CCDC85A: variants seen among roughly 807,000 people sequenced by gnomAD.
The protein encoded by CCDC85A is coiled-coil domain-containing protein 85A.
Under a neutral mutation model 50.2 loss-of-function variants are expected in CCDC85A, and 38 were observed. The ratio of observed to expected loss-of-function variants is 0.76; its 90% CI spans 0.58 to 0.99. The LOEUF (loss-of-function observed/expected upper bound fraction) is 0.99, where lower values mean the gene tolerates loss of function less well. Ranked by LOEUF, CCDC85A falls within the 50% of genes least tolerant of loss-of-function variation. The pLI, the probability that CCDC85A is intolerant of heterozygous loss-of-function variation, is 0.00. For missense variants in CCDC85A, 820 were observed against 742.0 expected (o/e 1.11, Z -1.22); for synonymous variants, 366 against 301.4 (o/e 1.21, Z -2.22).
At chr2:56,219,614 A>G (rs949345260) in intron 2 of CCDC85A, among the ~76,000 whole-genome samples, 5 of 151,720 alleles carry the variant, frequency 3.3e-5, no homozygotes, top group African/African-American at 1.2e-4. Flanking sequence ...TTGCTTTGCA[A>G]GTTTCACCCC....
intron 2 of CCDC85A, among the ~76,000 whole-genome samples, chr2:56,273,383 C>T (rs1401862318): frequency 1.3e-5 from 2 of 151,850 alleles, no homozygotes; most frequent in African/African-American, 4.8e-5. Flanking sequence ...AAAACCATTG[C>T]AGTATTCCAA....
At chr2:56,328,179 G>T (rs1673572047) in intron 2 of CCDC85A, among the ~76,000 whole-genome samples, 1 of 152,138 alleles carries the variant, frequency 6.6e-6, no homozygotes, top group African/African-American at 2.4e-5. Context: ...AGAAGAATGA[G>T]AAAAGCATGC....
intron 1 of CCDC85A, among the ~76,000 whole-genome samples, chr2:56,191,558 T>G (rs1258316171): frequency 6.6e-6 from 1 of 152,156 alleles, no homozygotes; most frequent in South Asian, 2.1e-4. Context: ...ATTTTGGAAG[T>G]AGAGCTCCAA....
Position 56,270,537 on chromosome 2 carries a change from G to A in CCDC85A, c.1241-72342G>A, listed in dbSNP as rs111320384. Among the ~76,000 whole-genome samples the A allele has an allele frequency of 9.5e-4, 145 of 152,292 alleles. 1 individual carries two copies. Among genetic ancestry groups the A allele is most frequent in the African/African-American group, 2.9e-3 (122 of 41,566 alleles). Reference sequence around the variant, plus strand: ...TCTGCTATATTATGTAAATTACTGCGTACCCCTGAGCGTAGCTGCTTTTTC... The same window carrying A: ...TCTGCTATATTATGTAAATTACTGCATACCCCTGAGCGTAGCTGCTTTTTC... On this transcript the variant is annotated intron_variant, in intron 2 of 5. Coordinates refer to ENST00000407595, the MANE Select transcript of CCDC85A (RefSeq NM_001080433.2).
At chr2:56,266,420 A>G (rs1670442525) in intron 2 of CCDC85A, among the ~76,000 whole-genome samples, 1 of 152,164 alleles carries the variant, frequency 6.6e-6, no homozygotes, top group Non-Finnish European at 1.5e-5. Flanking sequence ...AAGCAAACCA[A>G]ATAGCTAAAA....
At chr2:56,204,412 A>G (rs1325591543) in intron 2 of CCDC85A, among the ~76,000 whole-genome samples, 3 of 152,312 alleles carry the variant, frequency 2.0e-5, no homozygotes, top group East Asian at 3.9e-4. Flanking sequence ...AATCTCATCC[A>G]TCATAGAAAG....
In CCDC85A at chr2:56,294,448, T is replaced by A. The variant is rs561358940; in HGVS notation, c.1241-48431T>A. Among the ~76,000 whole-genome samples, 3 of 152,282 alleles carry A rather than the reference T, an allele frequency of 2.0e-5. No homozygotes were observed. In the South Asian group the frequency reaches 6.2e-4, roughly 32 times the overall value. ...CATGTATACCATAACTTAAATAAAATTTTTAAAAAATCAGATTTCCAAGTC... is the reference window on the plus strand; with the variant it reads ...CATGTATACCATAACTTAAATAAAAATTTTAAAAAATCAGATTTCCAAGTC... On this transcript the variant is annotated intron_variant, in intron 2 of 5. Coordinates refer to ENST00000407595, the MANE Select transcript of CCDC85A (RefSeq NM_001080433.2).
At position 56,184,176 on chromosome 2, in the gene CCDC85A, C is replaced by G. The variant is rs1675886367; in HGVS notation, c.-449C>G. 1 of 987,190 alleles carries G rather than the reference C, an allele frequency of 1.0e-6. No homozygotes were observed. The highest frequency in any genetic ancestry group is 1.1e-4 in the East Asian group (1 of 8,802). 61.2% of individuals were successfully genotyped at this position (987,190 alleles called of 1,614,324 possible). On this transcript the variant is annotated 5_prime_UTR_variant, in exon 1 of 6. Coordinates refer to ENST00000407595, the MANE Select transcript of CCDC85A (RefSeq NM_001080433.2). ...GCTAGGAGAGGGGAGAAGCCGGGGGCTGCAGCTGGGCAAGGGGGAGGAAAG... is the reference window on the plus strand; with the variant it reads ...GCTAGGAGAGGGGAGAAGCCGGGGGGTGCAGCTGGGCAAGGGGGAGGAAAG...
chr2:56,293,585 A>T (rs113986518), intron 2 of CCDC85A, among the ~76,000 whole-genome samples: 2,156 of 152,300 alleles, frequency 0.014, 49 homozygotes, highest in African/African-American at 0.048. Context: ...TCTAATATTC[A>T]GATCTACAAG....
intron 2 of CCDC85A, among the ~76,000 whole-genome samples, chr2:56,327,124 T>G (rs774177170): frequency 7.9e-5 from 12 of 152,142 alleles, no homozygotes; most frequent in Admixed American, 3.9e-4. Context: ...GTTTGTGTAA[T>G]GAAGAAATGA....
intron 2 of CCDC85A, among the ~76,000 whole-genome samples, chr2:56,233,248 C>G (rs949496995): frequency 1.4e-4 from 22 of 151,830 alleles, no homozygotes; most frequent in Middle Eastern, 3.2e-3. Context: ...TTGAGACTGA[C>G]AGGGTTAAGT....
chr2:56,245,024 T>C (rs2869529), intron 2 of CCDC85A, among the ~76,000 whole-genome samples: 54,668 of 151,846 alleles, frequency 0.36, 10,603 homozygotes, highest in African/African-American at 0.45. Flanking sequence ...CAAGCTGTGC[T>C]GCCTGTGCTT....
intron 2 of CCDC85A, among the ~76,000 whole-genome samples, chr2:56,286,897 C>T (rs778283042): frequency 1.6e-4 from 25 of 152,086 alleles, no homozygotes; most frequent in Non-Finnish European, 2.8e-4. Context: ...TTTTCTTGAT[C>T]CTGTTGGACT....
At chr2:56,315,923 T>A (rs1446114806) in intron 2 of CCDC85A, among the ~76,000 whole-genome samples, 1 of 152,108 alleles carries the variant, frequency 6.6e-6, no homozygotes, top group African/African-American at 2.4e-5. Context: ...AATGAATGTA[T>A]GTAACTAGAA....
intron 2 of CCDC85A, among the ~76,000 whole-genome samples, chr2:56,302,792 C>T (rs1672268529): frequency 6.6e-6 from 1 of 152,122 alleles, no homozygotes; most frequent in Non-Finnish European, 1.5e-5. Context: ...GTCTTTTTCA[C>T]CTTTCTTTTA....
At chr2:56,301,386 C>T (rs73940647) in intron 2 of CCDC85A, among the ~76,000 whole-genome samples, 1,995 of 152,238 alleles carry the variant, frequency 0.013, 40 homozygotes, top group African/African-American at 0.044. Flanking sequence ...ACAGAATCAC[C>T]TGGGTGCTGG....
chr2:56,216,518 CATTA>C (rs1473996898), intron 2 of CCDC85A, among the ~76,000 whole-genome samples: 4 of 151,864 alleles, frequency 2.6e-5, no homozygotes, highest in Admixed American at 2.6e-4. Flanking sequence ...TGTTTATCGA[CATTA>C]ATTCTTTTTC....
At chr2:56,278,449 T>C (rs1321391267) in intron 2 of CCDC85A, among the ~76,000 whole-genome samples, 1 of 152,200 alleles carries the variant, frequency 6.6e-6, no homozygotes, top group African/African-American at 2.4e-5. Flanking sequence ...CAAAGTCCAA[T>C]TCTGTCTTTT....
chr2:56,302,469 C>G (rs1672254501), intron 2 of CCDC85A, among the ~76,000 whole-genome samples: 1 of 152,074 alleles, frequency 6.6e-6, no homozygotes, highest in South Asian at 2.1e-4. Context: ...ATTAGGCCCA[C>G]ATGAATTATT....
Sources: allele counts gnomAD v4.1 joint callset (sites outside exome capture counted in the v4.1 genomes callset), GRCh38; gene constraint gnomAD v4.1.1; transcripts MANE v1.5; gene names NCBI Gene and HGNC (gene_info 2026-07-23, HGNC 2026-07-21).